The following ISM1 variants were observed in gnomAD, a reference collection of about 807,000 sequenced individuals.
ISM1 encodes isthmin-1.
A neutral mutation model predicts 46.3 loss-of-function variants in ISM1; 25 were observed. The observed-to-expected ratio is 0.54, with a 90% confidence interval of 0.39 to 0.75. The LOEUF is 0.75. Ranked by LOEUF, ISM1 falls within the 30% of genes least tolerant of loss-of-function variation. ISM1 has a pLI of 0.00. For synonymous variants in ISM1, 255 were observed against 256.7 expected (o/e 0.99, Z 0.06); for missense variants, 536 against 625.4 (o/e 0.86, Z 1.52).
Position 13,255,957 on chromosome 20 carries a change from G to A in ISM1, c.139-14547G>A, listed in dbSNP as rs912188901. Among the ~76,000 whole-genome samples the A allele has an allele frequency of 4.0e-5, 6 of 151,668 alleles. No homozygotes were observed. In the East Asian group the frequency reaches 9.7e-4, roughly 24 times the overall value. The stretch of plus-strand genomic sequence containing the variant: ...TTTTTGGTGTGACTGCAGTTATAAA[G>A]AGGGAAAGACCATTTGTAATTTAGT... On this transcript the variant is annotated intron_variant, in intron 1 of 5. Transcript: ENST00000262487.
intron 1 of ISM1, among the ~76,000 whole-genome samples, chr20:13,261,533 A>G (rs2039989805): frequency 6.6e-6 from 1 of 152,124 alleles, no homozygotes; most frequent in Non-Finnish European, 1.5e-5. Context: ...CAACCAGTCT[A>G]CCATAAGTGC....
chr20:13,276,951 A>G (rs536737742), intron 2 of ISM1, among the ~76,000 whole-genome samples: 8 of 152,188 alleles, frequency 5.3e-5, no homozygotes, highest in African/African-American at 1.4e-4. Flanking sequence ...GTGGATCCTA[A>G]GATTTGTTGT....
chr20:13,323,063 C>T, the ISM1 span, among the ~76,000 whole-genome samples: 5 of 151,978 alleles, frequency 3.3e-5, no homozygotes, highest in Non-Finnish European at 7.4e-5. Context: ...GGGGAAGACA[C>T]CACCCAGGCA....
chr20:13,221,350 A>C lies in ISM1; in HGVS notation c.-427A>C, dbSNP rs893660578. 7.1e-6 allele frequency among the ~76,000 whole-genome samples: 1 copy of C among 141,722 alleles called. No individual in the cohort carries two copies. Among genetic ancestry groups the C allele is most frequent in the Non-Finnish European group, 1.5e-5 (1 of 64,604 alleles). 93.0% of individuals were successfully genotyped at this position (141,722 alleles called of 152,430 possible). ...CGCCGCGGCCACATCTGGGGCGCCC[A>C]TGTGCGCTCGGGGGCTCGGCTGCGC... On this transcript the variant is annotated 5_prime_UTR_variant, in exon 1 of 6. The change abolishes an upstream ATG in the 5' untranslated region. Coordinates refer to ENST00000262487, the MANE Select transcript of ISM1 (RefSeq NM_080826.2).
chr20:13,255,542 T>A (rs1326979346), intron 1 of ISM1, among the ~76,000 whole-genome samples: 1 of 152,156 alleles, frequency 6.6e-6, no homozygotes, highest in Non-Finnish European at 1.5e-5. Flanking sequence ...GAAGGCAGTA[T>A]CTAAATAAGG....
At chr20:13,238,169 TA>T (rs1365554038) in intron 1 of ISM1, 1 of 152,194 alleles carries the variant, frequency 6.6e-6, no homozygotes, top group Non-Finnish European at 1.5e-5. Flanking sequence ...TTCCATTTAA[TA>T]AACATCACTG....
At chr20:13,234,066 C>T (rs1056529230) in intron 1 of ISM1, among the ~76,000 whole-genome samples, 6 of 152,120 alleles carry the variant, frequency 3.9e-5, no homozygotes, top group South Asian at 2.1e-4. Context: ...GTACTCATCA[C>T]CTGAGTAGTG....
chr20:13,226,553 G>A (rs577848483), intron 1 of ISM1, among the ~76,000 whole-genome samples: 2 of 152,226 alleles, frequency 1.3e-5, no homozygotes, highest in African/African-American at 4.8e-5. Flanking sequence ...GGGCTCAGCT[G>A]AGTGGTTCTT....
chr20:13,274,059 T>TTGTG (rs143496462), intron 2 of ISM1, among the ~76,000 whole-genome samples: 83,712 of 150,610 alleles, frequency 0.56, 23,223 homozygotes, highest in South Asian at 0.64. Flanking sequence ...TGGCGTGTAA[T>TTGTG]TGTGTGTGTG....
rs142396374 is a variant in ISM1 at position 13,240,860 on chromosome 20, C to T, written c.138+18946C>T. The stretch of plus-strand genomic sequence containing the variant: ...GAGTTAAGAAGTGAAGAGTCAAAGA[C>T]AGCTTCCAGTTTCACAAGGGTAGAG... On this transcript the variant is annotated intron_variant, in intron 1 of 5. Coordinates refer to ENST00000262487, the MANE Select transcript of ISM1 (RefSeq NM_080826.2). Among the ~76,000 whole-genome samples the T allele has an allele frequency of 3.1e-3, 471 of 152,262 alleles. 5 individuals are homozygous for T. The highest frequency in any genetic ancestry group is 0.01 in the African/African-American group (431 of 41,542).
Position 13,265,528 on chromosome 20 carries a change from T to G in ISM1, c.139-4976T>G, listed in dbSNP as rs763615107. Among the ~76,000 whole-genome samples, 3 of 152,276 alleles carry G rather than the reference T, an allele frequency of 2.0e-5. No homozygotes were observed. In the South Asian group the frequency reaches 6.2e-4, roughly 32 times the overall value. On this transcript the variant is annotated intron_variant, in intron 1 of 5. Coordinates refer to ENST00000262487, the MANE Select transcript of ISM1 (RefSeq NM_080826.2). Reference sequence around the variant, plus strand: ...CCTGTGTTCTTTCAAGAGTACCCTGTTAATCATCGAAAGCTTCCTTGCTTC... The same window carrying G: ...CCTGTGTTCTTTCAAGAGTACCCTGGTAATCATCGAAAGCTTCCTTGCTTC...
intron 1 of ISM1, 24 bp downstream of exon 1, chr20:13,221,938 C>T (rs752154932): frequency 1.7e-5 from 22 of 1,315,830 alleles, no homozygotes; most frequent in Middle Eastern, 5.7e-4. Context: ...CGGAGAGGGC[C>T]GTGCGCGGCT....
At chr20:13,284,719 A>C (rs936136268) in intron 3 of ISM1, among the ~76,000 whole-genome samples, 1 of 152,160 alleles carries the variant, frequency 6.6e-6, no homozygotes, top group Admixed American at 6.5e-5. Context: ...GCTCACATAC[A>C]TACTTCTTCC....
At chr20:13,292,550 G>A (rs951696398) in intron 5 of ISM1, 87 bp downstream of exon 5, 47 of 816,252 alleles carry the variant, frequency 5.8e-5, no homozygotes, top group South Asian at 3.3e-4. Flanking sequence ...TTGGATCCAC[G>A]TAAATGTTTC....
At chr20:13,245,935 C>T (rs2039787596) in intron 1 of ISM1, among the ~76,000 whole-genome samples, 1 of 152,166 alleles carries the variant, frequency 6.6e-6, no homozygotes. Flanking sequence ...ATGTTCTTTG[C>T]CCTCTTTCCG....
chr20:13,325,303 T>C, the ISM1 span, among the ~76,000 whole-genome samples: 4 of 152,210 alleles, frequency 2.6e-5, no homozygotes, highest in African/African-American at 9.6e-5. Flanking sequence ...TGCACATCTG[T>C]ATTGGGGAAG....
chr20:13,298,785 C>T (rs2040431350), intron 5 of ISM1, among the ~76,000 whole-genome samples, 157 bp from the exon 6 acceptor site: 1 of 152,128 alleles, frequency 6.6e-6, no homozygotes, highest in Non-Finnish European at 1.5e-5. Flanking sequence ...GCAGGGGTGT[C>T]TGGCTCTAGG....
chr20:13,279,842 G>T lies in ISM1; in HGVS notation c.587G>T (p.Trp196Leu), dbSNP rs774892056. The change falls in exon 3 of 6, where the codon TGG becomes TTG. Residue 196 changes from tryptophan (W) to leucine (L), a missense_variant. Trp to Leu is a moderately conservative substitution (Grantham distance 61). Coordinates refer to ENST00000262487, the MANE Select transcript of ISM1 (RefSeq NM_080826.2). ...AACTTCCTCAACCCCCCCAGGGGGT[G>T]GGACCATACAGCCCCAGGCCACCGG... ...DSNFLNPPRG[W>L]DHTAPGHRTF... 6.2e-7 allele frequency: 1 copy of T among 1,613,892 alleles called. No homozygotes were observed. The highest frequency in any genetic ancestry group is 8.5e-7 in the Non-Finnish European group (1 of 1,179,792).
chr20:13,281,805 C>A (rs2040241501), intron 3 of ISM1, among the ~76,000 whole-genome samples: 1 of 152,188 alleles, frequency 6.6e-6, no homozygotes, highest in South Asian at 2.1e-4. Flanking sequence ...TGTGGCTTCA[C>A]CTGTTTGCCC....
Sources: gnomAD v4.1 joint callset for allele counts (sites outside exome capture counted in the v4.1 genomes callset) on GRCh38, gnomAD v4.1.1 for gene constraint, MANE v1.5 for transcripts, NCBI Gene and HGNC (gene_info 2026-07-23, HGNC 2026-07-21) for gene names.